Variants in RAP1GAP observed in about 807,000 individuals in gnomAD.
The protein encoded by RAP1GAP is rap1 GTPase-activating protein 1.
A neutral mutation model predicts 87.2 loss-of-function variants in RAP1GAP; 35 were observed. The ratio of observed to expected loss-of-function variants is 0.40; its 90% CI spans 0.31 to 0.53. The LOEUF is 0.53. RAP1GAP is among the 20% of genes least tolerant of loss of function. The pLI, the probability that RAP1GAP is intolerant of heterozygous loss-of-function variation, is 0.48. For synonymous variants in RAP1GAP, 375 were observed against 363.9 expected (o/e 1.03, Z -0.35); for missense variants, 734 against 898.9 (o/e 0.82, Z 2.35).
chr1:21,621,585 G>T (rs1004111994), intron 3 of RAP1GAP, among the ~76,000 whole-genome samples: 1 of 152,236 alleles, frequency 6.6e-6, no homozygotes, highest in Non-Finnish European at 1.5e-5. Flanking sequence ...GCATTTGAAA[G>T]AGACAATTCC....
intron 2 of RAP1GAP, among the ~76,000 whole-genome samples, chr1:21,629,433 G>C (rs1212578204): frequency 6.6e-6 from 1 of 152,178 alleles, no homozygotes; most frequent in Non-Finnish European, 1.5e-5. Flanking sequence ...GCTCATGTGG[G>C]TGCAGAACCA....
chr1:21,618,726 G>T (rs1255650860), intron 5 of RAP1GAP, among the ~76,000 whole-genome samples: 1 of 152,190 alleles, frequency 6.6e-6, no homozygotes, highest in Non-Finnish European at 1.5e-5. Flanking sequence ...TGAGTTTGGG[G>T]TGGGGACGCC....
intron 2 of RAP1GAP, among the ~76,000 whole-genome samples, chr1:21,648,964 C>T (rs899695242): frequency 1.3e-5 from 2 of 152,144 alleles, no homozygotes; most frequent in Non-Finnish European, 2.9e-5. Context: ...GCAGGACCCA[C>T]GGACCCCAGA....
At chr1:21,653,839 G>A (rs879889013) in intron 1 of RAP1GAP, among the ~76,000 whole-genome samples, 48 of 152,152 alleles carry the variant, frequency 3.2e-4, no homozygotes, top group Non-Finnish European at 5.6e-4. Flanking sequence ...CCTATACCTC[G>A]CCAGTCTTTT....
chr1:21,621,000 G>A (rs1236103046), intron 3 of RAP1GAP, among the ~76,000 whole-genome samples: 1 of 152,214 alleles, frequency 6.6e-6, no homozygotes, highest in Non-Finnish European at 1.5e-5. Context: ...GATGGGGACT[G>A]TGCACAGTGA....
At chr1:21,605,233 T>C (rs2073552062) in intron 18 of RAP1GAP, among the ~76,000 whole-genome samples, 1 of 152,160 alleles carries the variant, frequency 6.6e-6, no homozygotes, top group South Asian at 2.1e-4. Flanking sequence ...CAACAGTCAG[T>C]GATCACACAG....
rs374751786 is a variant in RAP1GAP at position 21,658,105 on chromosome 1, A to G, written c.-148-8309T>C. 5.9e-5 allele frequency among the ~76,000 whole-genome samples: 9 copies of G among 152,336 alleles called. No individual in the cohort carries two copies. In the East Asian group the frequency reaches 1.5e-3, roughly 26 times the overall value. Reference sequence around the variant, plus strand: ...TGTTGTTCATCAGATATCCTCCTAGATATTCAAGTGGGTAAAAAGCCCGGG... The same window carrying G: ...TGTTGTTCATCAGATATCCTCCTAGGTATTCAAGTGGGTAAAAAGCCCGGG... On this transcript the variant is annotated intron_variant, in intron 1 of 24. Coordinates refer to ENST00000374765, the MANE Select transcript of RAP1GAP (RefSeq NM_002885.4).
At chr1:21,630,043 G>A (rs1299846224) in intron 2 of RAP1GAP, among the ~76,000 whole-genome samples, 1 of 152,186 alleles carries the variant, frequency 6.6e-6, no homozygotes, top group Non-Finnish European at 1.5e-5. Flanking sequence ...AGCTTACTAT[G>A]TGCAGGCTCT....
rs1014769793 is a variant in RAP1GAP, at chr1:21,620,886, C to T, written c.-18-836G>A. On this transcript the variant is annotated intron_variant, in intron 3 of 24. Transcript: ENST00000374765. ...CTCTCTCTCTCCATCTTTCTCCCTC[C>T]CCTCCTGCTCACACACACAGAAGCC... Among the ~76,000 whole-genome samples the T allele has an allele frequency of 5.3e-5, 8 of 152,258 alleles. No homozygotes were observed. In the South Asian group the frequency reaches 1.2e-3, roughly 24 times the overall value.
At position 21,606,104 on chromosome 1, in the gene RAP1GAP, C is replaced by A; in HGVS notation, c.1390G>T (p.Ala464Ser). The A allele has an allele frequency of 6.3e-7, 1 of 1,587,686 alleles. No individual in the cohort carries two copies. The highest frequency in any genetic ancestry group is 8.6e-7 in the Non-Finnish European group (1 of 1,167,316). Residue 464 changes from alanine (A) to serine (S), a missense_variant, in exon 18 of 25, where the codon GCG becomes TCG. This residue lies in a region of RAP1GAP where 485 missense variants were observed against 646.2 expected (regional missense o/e 0.75). Coordinates refer to ENST00000374765, the MANE Select transcript of RAP1GAP (RefSeq NM_002885.4). ...TVSTSHSGSF[A>S]PNNPDLAKAA... ...TTGGCCAGGTCGGGGTTGTTGGGCG[C>A]GAAGCTCCCGCTGTGGCTGGTGGAC...
chr1:21,601,625 AG>A, intron 20 of RAP1GAP, 58 bp downstream of exon 20: 1 of 1,315,418 alleles, frequency 7.6e-7, no homozygotes. Flanking sequence ...CAGGCAGGGG[AG>A]GGGAAGGACG....
Position 21,611,776 on chromosome 1 carries a change from G to A in RAP1GAP, c.653C>T (p.Pro218Leu), listed in dbSNP as rs746911716. 9.9e-6 allele frequency: 16 copies of A among 1,613,966 alleles called. No homozygotes were observed. Among genetic ancestry groups the A allele is most frequent in the Admixed American group, 1.7e-5 (1 of 60,014 alleles). ...AAATTCAAGGAACTCCACGAAAGCGGGACTTTCCTCATTGGTGCTGAAGAG... is the reference window on the plus strand; with the variant it reads ...AAATTCAAGGAACTCCACGAAAGCGAGACTTTCCTCATTGGTGCTGAAGAG... ...EELFSTNEES[P>L]AFVEFLEFLG... Residue 218 changes from proline to leucine, a missense_variant, in exon 12 of 25, where the codon CCC (proline) becomes CTC (leucine). By Grantham distance (98) the Pro-to-Leu change is moderately conservative. This residue lies in a region of RAP1GAP where 485 missense variants were observed against 646.2 expected (regional missense o/e 0.75). Transcript: ENST00000374765.
intron 19 of RAP1GAP, among the ~76,000 whole-genome samples, chr1:21,602,026 T>C (rs561891116): frequency 1.3e-5 from 2 of 152,266 alleles, no homozygotes; most frequent in South Asian, 4.1e-4. Flanking sequence ...TCCCAGGTCC[T>C]CTCCACAGGA....
In RAP1GAP at chr1:21,598,543, C is replaced by CTAGG. The variant is rs1558585428; in HGVS notation, c.1777-42_1777-41insCCTA. On this transcript the variant is annotated intron_variant, in intron 21 of 24. Coordinates refer to ENST00000374765, the MANE Select transcript of RAP1GAP (RefSeq NM_002885.4). ...AAAGAGGGAGGGAGGTTAGCCTATG[C>CTAGG]CCTTGGCACTGGCTAGGGCTCCCTC... 12 of 1,519,584 alleles carry CTAGG rather than the reference C, an allele frequency of 7.9e-6. No homozygotes were observed. In the Admixed American group the frequency reaches 1.2e-4, roughly 15 times the overall value. The allele number at this position is 1,519,584 out of a possible 1,614,324, so 94.1% of individuals were successfully genotyped here.
chr1:21,666,266 G>A (rs1396211786), intron 1 of RAP1GAP, among the ~76,000 whole-genome samples: 1 of 152,238 alleles, frequency 6.6e-6, no homozygotes, highest in Admixed American at 6.5e-5. Context: ...AGCAGAGAGT[G>A]CTGAGGGCTC....
chr1:21,657,148 C>A (rs544461993), intron 1 of RAP1GAP, among the ~76,000 whole-genome samples: 13 of 152,346 alleles, frequency 8.5e-5, no homozygotes, highest in Non-Finnish European at 1.6e-4. Flanking sequence ...TAACTCATGC[C>A]TGTAGAGATC....
intron 1 of RAP1GAP, among the ~76,000 whole-genome samples, chr1:21,667,913 C>T (rs1040563863): frequency 6.6e-6 from 1 of 152,190 alleles, no homozygotes; most frequent in African/African-American, 2.4e-5. Flanking sequence ...GCACCCCTTA[C>T]CAGACCTTCC....
rs931339053 is a variant in RAP1GAP, at chr1:21,614,061, G to A, written c.320C>T (p.Ala107Val). 1.9e-6 allele frequency: 3 copies of A among 1,610,740 alleles called. No individual in the cohort carries two copies. Among genetic ancestry groups the A allele is most frequent in the Non-Finnish European group, 2.5e-6 (3 of 1,177,800 alleles). The part of the protein sequence containing the change: ...KEHFNYYSLD[A>V]ALGHLVFSLK... ...TGAGAAGACAAGGTGGCCGAGGGCA[G>A]CGTCCAGTGAGTAGTAATTGAAATG... is the stretch of plus-strand genomic sequence containing the variant. Residue 107 changes from alanine (A) to valine (V), a missense_variant, in exon 8 of 25, where the codon GCT becomes GTT. Physicochemically the swap from Ala to Val is moderately conservative, Grantham distance 64. Around this residue, in one of 2 missense-constraint regions of RAP1GAP, gnomAD observed 485 missense variants for 646.2 expected, o/e 0.75. Coordinates refer to ENST00000374765, the MANE Select transcript of RAP1GAP (RefSeq NM_002885.4).
chr1:21,637,857 G>A (rs1245717373), intron 2 of RAP1GAP, among the ~76,000 whole-genome samples: 4 of 151,750 alleles, frequency 2.6e-5, no homozygotes, highest in Non-Finnish European at 4.4e-5. Context: ...ATGGCTGGCC[G>A]GGAGTGGTGG....
Sources: gnomAD v4.1 joint callset for allele counts (sites outside exome capture counted in the v4.1 genomes callset) on GRCh38, gnomAD v4.1.1 for gene constraint, gnomAD v4.1.1 regional missense constraint, MANE v1.5 for transcripts, NCBI Gene and HGNC (gene_info 2026-07-23, HGNC 2026-07-21) for gene names.